Variants in CSMD1 observed in about 807,000 individuals in gnomAD.
CSMD1 encodes CUB and sushi domain-containing protein 1.
In CSMD1, 213 loss-of-function variants were observed where a neutral mutation model predicts 417.5. The ratio of observed to expected loss-of-function variants is 0.51; its 90% confidence interval spans 0.46 to 0.57. The LOEUF (loss-of-function observed/expected upper bound fraction) is 0.57, where lower values mean the gene tolerates loss of function less well. Among genes scored for constraint, CSMD1 ranks in the 20% least tolerant of loss-of-function variants. The probability of loss-of-function intolerance (pLI) is 0.00; values close to 1 mark genes in which losing one functional copy is unlikely to be tolerated. For missense variants in CSMD1, 6,923 were observed against 4,529.7 expected, an observed-to-expected ratio of 1.53 and a Z score of -15.17; for synonymous variants, 2,862 against 1,736.8, an observed-to-expected ratio of 1.65 and a Z score of -16.11.
chr8:4,117,882 C>A (rs1292623703), intron 3 of CSMD1, among the ~76,000 whole-genome samples: 2 of 139,360 alleles, frequency 1.4e-5, no homozygotes, highest in Non-Finnish European at 3.1e-5. Context: ...AACCACAAAA[C>A]AAAGTAGAGG....
At chr8:4,189,978 G>T in intron 3 of CSMD1, among the ~76,000 whole-genome samples, 1 of 151,488 alleles carries the variant, frequency 6.6e-6, no homozygotes, top group East Asian at 2.0e-4. Flanking sequence ...GCAGAGACTC[G>T]CCAGGTGTGG....
At chr8:3,881,000 A>C (rs1049001614) in intron 5 of CSMD1, among the ~76,000 whole-genome samples, 2 of 152,140 alleles carry the variant, frequency 1.3e-5, no homozygotes, top group African/African-American at 4.8e-5. Context: ...TGAAGATCAA[A>C]ATTTTAAAAA....
At position 3,142,601 on chromosome 8, in the gene CSMD1, G is replaced by A. The variant is rs1429413633; in HGVS notation, c.6105C>T (p.Tyr2035=). 6.2e-7 allele frequency: 1 copy of A among 1,613,978 alleles called. No homozygotes were observed. Among genetic ancestry groups the A allele is most frequent in the Non-Finnish European group, 8.5e-7 (1 of 1,179,854 alleles). ...ATTGTCCAATCATGGGGCTGGTGTG[G>A]TAAGGTCCATTTTGAATTTCAAGGA... The part of the protein sequence containing the change: ...HDFLEIQNGP[Y]HTSPMIGQFS... Residue 2035 remains tyrosine, a synonymous_variant, in exon 41 of 70, where the codon TAC becomes TAT. Coordinates refer to ENST00000635120, the MANE Select transcript of CSMD1 (RefSeq NM_033225.6).
chr8:3,231,082 C>T (rs1020741790), intron 26 of CSMD1, among the ~76,000 whole-genome samples: 1 of 152,118 alleles, frequency 6.6e-6, no homozygotes, highest in African/African-American at 2.4e-5. Context: ...CTACCGCAAG[C>T]CCAGAGTTTT....
intron 6 of CSMD1, among the ~76,000 whole-genome samples, chr8:3,709,503 A>G (rs925194373): frequency 1.2e-4 from 18 of 151,928 alleles, no homozygotes; most frequent in African/African-American, 4.4e-4. Context: ...GGTGTCTGTG[A>G]GAATGTCATG....
In CSMD1 at chr8:3,087,099, T is replaced by G. The variant is rs560082906; in HGVS notation, c.7472A>C (p.Gln2491Pro). The G allele has an allele frequency of 6.2e-7, 1 of 1,612,838 alleles. No individual in the cohort carries two copies. Among genetic ancestry groups the G allele is most frequent in the Non-Finnish European group, 8.5e-7 (1 of 1,179,572 alleles). ...YQWDSLTPLC[Q>P]AVSCGIPESP... ...GGGGATGAAAACGCATTTCTTACCCTGGCAGAGTGGCGTGAGGGAGTCCCA... is the reference window on the plus strand; with the variant it reads ...GGGGATGAAAACGCATTTCTTACCCGGGCAGAGTGGCGTGAGGGAGTCCCA... Residue 2491 changes from glutamine to proline, a missense_variant and splice_region_variant, in exon 49 of 70, where the codon CAG becomes CCG. Coordinates refer to ENST00000635120, the MANE Select transcript of CSMD1 (RefSeq NM_033225.6).
intron 12 of CSMD1, among the ~76,000 whole-genome samples, chr8:3,463,858 C>A (rs555379011): frequency 2.0e-5 from 3 of 152,320 alleles, no homozygotes; most frequent in Admixed American, 2.0e-4. Flanking sequence ...TTCCTGTATT[C>A]AGTACAACAC....
chr8:4,006,735 G>A (rs939272790), intron 4 of CSMD1, among the ~76,000 whole-genome samples: 5 of 151,796 alleles, frequency 3.3e-5, no homozygotes, highest in Admixed American at 2.0e-4. Flanking sequence ...AGTCCAGACT[G>A]GAACCAGAAG....
chr8:4,224,889 C>A (rs561278045), intron 3 of CSMD1, among the ~76,000 whole-genome samples: 189 of 94,998 alleles, frequency 2.0e-3, no homozygotes, highest in African/African-American at 7.2e-3. Context: ...GCAGGTGGAT[C>A]ATTTGAGGTC....
intron 33 of CSMD1, among the ~76,000 whole-genome samples, chr8:3,191,662 T>C (rs1175979310): frequency 6.6e-6 from 1 of 152,068 alleles, no homozygotes; most frequent in Middle Eastern, 3.2e-3. Flanking sequence ...ACTATTCAGG[T>C]TGTATGGCAG....
chr8:3,940,154 T>G (rs1810778329), intron 5 of CSMD1, among the ~76,000 whole-genome samples: 2 of 152,144 alleles, frequency 1.3e-5, no homozygotes, highest in Admixed American at 1.3e-4. Flanking sequence ...TATTTTAAGC[T>G]TGTCATTGTG....
chr8:4,086,573 T>C (rs1264869802), intron 3 of CSMD1, among the ~76,000 whole-genome samples: 1 of 152,170 alleles, frequency 6.6e-6, no homozygotes, highest in Non-Finnish European at 1.5e-5. Context: ...TTACATCCAA[T>C]CTCCTCTACT....
chr8:4,709,657 G>C (rs1808168425), intron 1 of CSMD1, among the ~76,000 whole-genome samples: 1 of 152,288 alleles, frequency 6.6e-6, no homozygotes, highest in East Asian at 1.9e-4. Context: ...GGGGTCTTCA[G>C]CAAAGATGAA....
chr8:3,269,149 A>C (rs28442884), intron 26 of CSMD1, among the ~76,000 whole-genome samples: 2 of 152,104 alleles, frequency 1.3e-5, no homozygotes, highest in South Asian at 4.1e-4. Context: ...AATCAATTCA[A>C]CACGCATTCT....
chr8:4,312,663 G>C (rs1199998356), intron 3 of CSMD1, among the ~76,000 whole-genome samples: 2 of 151,790 alleles, frequency 1.3e-5, no homozygotes, highest in East Asian at 1.9e-4. Context: ...GATCACCTGA[G>C]GTCAGGAGTT....
intron 1 of CSMD1, 99 bp downstream of exon 1, chr8:4,994,233 C>T: frequency 1.9e-6 from 2 of 1,041,026 alleles, no homozygotes; most frequent in Middle Eastern, 2.4e-4. Flanking sequence ...CAGAGGCGGC[C>T]ACTCCGTACC....
intron 1 of CSMD1, among the ~76,000 whole-genome samples, chr8:4,898,894 ATT>A (rs1804679441): frequency 2.0e-5 from 3 of 152,206 alleles, no homozygotes; most frequent in Non-Finnish European, 2.9e-5. Flanking sequence ...TAGATACATT[ATT>A]TATCGTTTAA....
In CSMD1 at chr8:3,036,619, G is replaced by A. The variant is rs570889873; in HGVS notation, c.7661-7106C>T. Among the ~76,000 whole-genome samples, 3 of 152,252 alleles carry A rather than the reference G, an allele frequency of 2.0e-5. No homozygotes were observed. The South Asian group carries it at 6.2e-4, about 32-fold the overall frequency. The stretch of plus-strand genomic sequence containing the variant: ...TTACTGGACACGCGAGAGAAAAACT[G>A]GTGTTAGTTCTAGTACCTTAGAAGC... On this transcript the variant is annotated intron_variant, in intron 50 of 69. Transcript: ENST00000635120.
At chr8:4,080,130 G>A (rs1247020517) in intron 3 of CSMD1, among the ~76,000 whole-genome samples, 1 of 151,614 alleles carries the variant, frequency 6.6e-6, no homozygotes, top group Admixed American at 6.6e-5. Context: ...ACCCCCATAG[G>A]TACACCTGCT....
Sources: allele counts gnomAD v4.1 joint callset (sites outside exome capture counted in the v4.1 genomes callset), GRCh38; gene constraint gnomAD v4.1.1; transcripts MANE v1.5; gene names NCBI Gene and HGNC (gene_info 2026-07-23, HGNC 2026-07-21).